The following RBFOX1 variants were observed in gnomAD, a reference collection of about 807,000 sequenced individuals.
RBFOX1 encodes the protein RNA binding fox-1 homolog 1.
A neutral mutation model predicts 57.7 loss-of-function variants in RBFOX1; 8 were observed. That is an observed-to-expected ratio of 0.14 (90% confidence interval 0.08 to 0.25). The LOEUF is 0.25. RBFOX1 is among the 10% of genes least tolerant of loss of function. RBFOX1 has a pLI of 1.00. For missense variants in RBFOX1, 611 were observed against 548.5 expected, an observed-to-expected ratio of 1.11 and a Z score of -1.14; for synonymous variants, 326 against 222.4, an observed-to-expected ratio of 1.47 and a Z score of -4.15.
chr16:6,398,830 G>A (rs1441394186), intron 2 of RBFOX1, among the ~76,000 whole-genome samples: 3 of 152,216 alleles, frequency 2.0e-5, no homozygotes, highest in Non-Finnish European at 4.4e-5. Flanking sequence ...TCTGGGATCT[G>A]GAGGATAGTG....
intron 3 of RBFOX1, among the ~76,000 whole-genome samples, chr16:6,916,012 TA>T (rs75391257): frequency 0.24 from 36,229 of 151,952 alleles, 4,551 homozygotes; most frequent in Middle Eastern, 0.32. Flanking sequence ...TGGGAAAACT[TA>T]AAGACAGCTG....
chr16:5,709,733 C>T (rs1271189984), intron 3 of RBFOX1, among the ~76,000 whole-genome samples: 4 of 137,196 alleles, frequency 2.9e-5, no homozygotes, highest in South Asian at 2.3e-4. Context: ...ATATAAAGTT[C>T]ATTCAATGAG....
intron 4 of RBFOX1, among the ~76,000 whole-genome samples, chr16:7,515,070 G>C (rs1453085248): frequency 6.6e-6 from 1 of 152,110 alleles, no homozygotes; most frequent in South Asian, 2.1e-4. Flanking sequence ...GGCAGAAACA[G>C]ATCTTTGAGC....
At chr16:5,276,897 A>T (rs745837916) in intron 1 of RBFOX1, among the ~76,000 whole-genome samples, 6 of 152,206 alleles carry the variant, frequency 3.9e-5, no homozygotes, top group South Asian at 2.1e-4. Flanking sequence ...TTCCTTAAAG[A>T]ACTAAAAGTA....
intron 9 of RBFOX1, among the ~76,000 whole-genome samples, chr16:7,600,086 T>A (rs971427229): frequency 2.0e-5 from 3 of 152,188 alleles, no homozygotes; most frequent in Non-Finnish European, 2.9e-5. Flanking sequence ...CAACCTCGTG[T>A]TCCTGCCAGA....
intron 3 of RBFOX1, among the ~76,000 whole-genome samples, chr16:6,851,958 G>T (rs553763321): frequency 3.3e-5 from 5 of 150,340 alleles, no homozygotes; most frequent in Admixed American, 6.6e-5. Context: ...TGAGATGGAG[G>T]TTCGTCGCCC....
chr16:6,320,969 T>C (rs928562369), intron 2 of RBFOX1, among the ~76,000 whole-genome samples: 4 of 152,098 alleles, frequency 2.6e-5, no homozygotes, highest in Admixed American at 6.5e-5. Flanking sequence ...AATTTTTGTA[T>C]TTTTAGTAGA....
intron 1 of RBFOX1, among the ~76,000 whole-genome samples, chr16:6,059,566 A>G (rs954013481): frequency 8.5e-5 from 13 of 152,142 alleles, no homozygotes; most frequent in African/African-American, 2.9e-4. Flanking sequence ...TTCAAAGTTC[A>G]TTTTCGTCTA....
At chr16:5,301,378 G>C (rs764144480) in intron 1 of RBFOX1, among the ~76,000 whole-genome samples, 2 of 152,054 alleles carry the variant, frequency 1.3e-5, no homozygotes, top group Admixed American at 1.3e-4. Flanking sequence ...CCAGCCCTTT[G>C]GGAGGCCAAG....
intron 3 of RBFOX1, among the ~76,000 whole-genome samples, chr16:5,823,217 T>G (rs1014486574): frequency 3.3e-5 from 5 of 152,176 alleles, no homozygotes; most frequent in African/African-American, 4.8e-5. Context: ...GAACACCCAT[T>G]CACTTTGCTA....
chr16:5,762,660 A>G (rs1287752287), intron 3 of RBFOX1, among the ~76,000 whole-genome samples: 1 of 152,204 alleles, frequency 6.6e-6, no homozygotes, highest in Admixed American at 6.5e-5. Context: ...TCATTGCTGC[A>G]TTGTTTATAA....
At chr16:6,184,758 G>A (rs954007049) in intron 1 of RBFOX1, among the ~76,000 whole-genome samples, 9 of 151,474 alleles carry the variant, frequency 5.9e-5, no homozygotes, top group South Asian at 2.1e-4. Flanking sequence ...TAGTAGAGAC[G>A]GGGTTTCGCC....
chr16:7,072,188 C>T (rs1249853605), intron 4 of RBFOX1, among the ~76,000 whole-genome samples: 2 of 152,104 alleles, frequency 1.3e-5, no homozygotes, highest in Non-Finnish European at 2.9e-5. Flanking sequence ...TTCTTCTTTC[C>T]CCAGAAAGTC....
intron 3 of RBFOX1, among the ~76,000 whole-genome samples, chr16:6,914,742 T>G (rs922648234): frequency 6.6e-6 from 1 of 152,056 alleles, no homozygotes; most frequent in South Asian, 2.1e-4. Context: ...GGCATGGTGG[T>G]GTGCACCTGT....
intron 3 of RBFOX1, among the ~76,000 whole-genome samples, chr16:7,038,767 C>G (rs1261386576): frequency 6.6e-6 from 1 of 152,150 alleles, no homozygotes; most frequent in East Asian, 1.9e-4. Flanking sequence ...GTTTGTCTGT[C>G]TGATTAATCT....
chr16:7,212,306 C>G (rs2091291810), intron 4 of RBFOX1, among the ~76,000 whole-genome samples: 1 of 152,122 alleles, frequency 6.6e-6, no homozygotes, highest in Non-Finnish European at 1.5e-5. Flanking sequence ...CTCTGCTGTT[C>G]CAATATTGGG....
chr16:6,720,515 G>A (rs1239473088), intron 3 of RBFOX1, among the ~76,000 whole-genome samples: 6 of 152,212 alleles, frequency 3.9e-5, no homozygotes, highest in Admixed American at 3.3e-4. Flanking sequence ...GGATAATTCA[G>A]GAAAGGGTGT....
rs73538938 is a variant in RBFOX1, at chr16:7,028,017, A to C, written c.-15-24040A>C. Among the ~76,000 whole-genome samples the C allele has an allele frequency of 4.9e-3, 745 of 152,048 alleles. 6 individuals carry two copies. Among genetic ancestry groups the C allele is most frequent in the African/African-American group, 0.017 (685 of 41,500 alleles). ...AAGAAGGAAGGGAAGAAGGAGAAGG[A>C]AAGAAAGGAAGCCTTATTTAATCTC... On this transcript the variant is annotated intron_variant, in intron 3 of 15. Transcript: ENST00000550418.
At chr16:7,518,868 T>A (rs2152205486) in intron 5 of RBFOX1, among the ~76,000 whole-genome samples, 1 of 152,084 alleles carries the variant, frequency 6.6e-6, no homozygotes, top group African/African-American at 2.4e-5. Context: ...ACAAGAAATT[T>A]AAAATTTAGC....
Sources: gnomAD v4.1 joint callset for allele counts (sites outside exome capture counted in the v4.1 genomes callset) on GRCh38, gnomAD v4.1.1 for gene constraint, MANE v1.5 for transcripts, NCBI Gene and HGNC (gene_info 2026-07-23, HGNC 2026-07-21) for gene names.